The following SAMHD1 variants were observed in gnomAD, a reference collection of about 807,000 sequenced individuals.
The protein encoded by SAMHD1 is SAM and HD domain containing deoxynucleoside triphosphate triphosphohydrolase 1, also known as deoxynucleoside triphosphate triphosphohydrolase SAMHD1.
SAMHD1 carries 54 observed loss-of-function variants against 79.6 expected under a neutral mutation model. The ratio of observed to expected loss-of-function variants is 0.68; its 90% confidence interval spans 0.55 to 0.85. The LOEUF (loss-of-function observed/expected upper bound fraction) is 0.85. Among genes scored for constraint, SAMHD1 ranks in the 40% least tolerant of loss-of-function variants. The probability of loss-of-function intolerance (pLI) is 0.00; values close to 1 mark genes in which losing one functional copy is unlikely to be tolerated. For missense variants in SAMHD1, 663 were observed against 782.7 expected, an observed-to-expected ratio of 0.85 and a Z score of 1.82; for synonymous variants, 260 against 264.1, an observed-to-expected ratio of 0.98 and a Z score of 0.15.
chr20:36,934,799 C>T (rs2063592584), intron 4 of SAMHD1: 2 of 428,786 alleles, frequency 4.7e-6, no homozygotes, highest in East Asian at 5.1e-5. Context: ...GCTAGGATTA[C>T]AGGTGCGCAC....
At chr20:36,910,155 AGAGCTT>A (rs2063428966) in intron 11 of SAMHD1, among the ~76,000 whole-genome samples, 2 of 150,244 alleles carry the variant, frequency 1.3e-5, no homozygotes, top group Non-Finnish European at 3.0e-5. Flanking sequence ...CCCGGGAGGC[AGAGCTT>A]GTAGTGAGCC....
chr20:36,919,655 A>G (rs1314507962), intron 6 of SAMHD1, 136 bp from the exon 7 acceptor site: 10 of 800,030 alleles, frequency 1.2e-5, no homozygotes, highest in Non-Finnish European at 2.0e-5. Flanking sequence ...TTCTAACCAC[A>G]ATCTTAGGAA....
intron 15 of SAMHD1, chr20:36,893,748 A>G (rs1490264085): frequency 2.5e-6 from 1 of 396,268 alleles, no homozygotes; most frequent in Non-Finnish European, 4.4e-6. Flanking sequence ...CTGTTGTACC[A>G]GGAATACAAT....
chr20:36,911,119 A>C, intron 11 of SAMHD1, 99 bp downstream of exon 11: 1 of 702,100 alleles, frequency 1.4e-6, no homozygotes, highest in Non-Finnish European at 2.4e-6. Flanking sequence ...TTATCTTTAA[A>C]AATGAAAAAT....
chr20:36,921,067 G>C lies in SAMHD1; in HGVS notation c.697-1548C>G, dbSNP rs1034175014. On this transcript the variant is annotated intron_variant, in intron 6 of 15. Transcript: ENST00000646673. ...TGCCTGTACTCCAGCCTGGGCAACA[G>C]AGCAAGACCTTGTCTCCAAAAAACA... 9.9e-5 allele frequency among the ~76,000 whole-genome samples: 15 copies of C among 151,946 alleles called. 1 individual carries two copies. The highest frequency in any genetic ancestry group is 3.6e-4 in the African/African-American group (15 of 41,390).
intron 14 of SAMHD1, 111 bp from the exon 15 acceptor site, chr20:36,898,070 C>A: frequency 7.3e-7 from 1 of 1,370,880 alleles, no homozygotes; most frequent in South Asian, 1.2e-5. Flanking sequence ...ATCTCCCTGT[C>A]ACCCAGGCTG....
chr20:36,931,278 G>A (rs2063566483), intron 4 of SAMHD1, among the ~76,000 whole-genome samples: 1 of 152,144 alleles, frequency 6.6e-6, no homozygotes, highest in Non-Finnish European at 1.5e-5. Context: ...AATTAAAAAC[G>A]GAATTACCAC....
At chr20:36,930,102 A>G (rs1012914378) in intron 5 of SAMHD1, among the ~76,000 whole-genome samples, 8 of 140,294 alleles carry the variant, frequency 5.7e-5, no homozygotes, top group Non-Finnish European at 1.1e-4. Context: ...AAAAAAAAAA[A>G]TAAGCATAAG....
chr20:36,921,401 A>AAC, intron 6 of SAMHD1, among the ~76,000 whole-genome samples: 1 of 151,090 alleles, frequency 6.6e-6, no homozygotes, highest in Non-Finnish European at 1.5e-5. Flanking sequence ...TCAAAAAAAA[A>AAC]AAAAAAAAAA....
chr20:36,916,906 T>A (rs1259992751), intron 8 of SAMHD1, 43 bp downstream of exon 8: 14 of 1,571,630 alleles, frequency 8.9e-6, no homozygotes, highest in Non-Finnish European at 1.2e-5. Context: ...ACTAAATTTA[T>A]ATAAATATTT....
At chr20:36,946,536 G>A (rs1292441741) in intron 2 of SAMHD1, 10 of 517,592 alleles carry the variant, frequency 1.9e-5, no homozygotes, top group Non-Finnish European at 3.5e-5. Flanking sequence ...GCAGTGAGCC[G>A]AGATACTCCA....
At chr20:36,908,507 G>A (rs1449897752) in intron 11 of SAMHD1, among the ~76,000 whole-genome samples, 1 of 152,092 alleles carries the variant, frequency 6.6e-6, no homozygotes, top group East Asian at 1.9e-4. Context: ...CAGAGTGCTG[G>A]GATTATAGGC....
chr20:36,938,632 C>T (rs1002572074), intron 3 of SAMHD1, among the ~76,000 whole-genome samples: 2 of 151,902 alleles, frequency 1.3e-5, no homozygotes, highest in South Asian at 2.1e-4. Context: ...GTCAGGAGAT[C>T]GAGACCATCC....
chr20:36,903,383 G>C (rs552725811), intron 13 of SAMHD1, among the ~76,000 whole-genome samples: 1 of 151,168 alleles, frequency 6.6e-6, no homozygotes, highest in Admixed American at 6.6e-5. Context: ...GGGACTACAG[G>C]CACACACCAC....
intron 4 of SAMHD1, chr20:36,931,150 G>A (rs999130815): frequency 2.3e-6 from 1 of 433,850 alleles, no homozygotes; most frequent in Non-Finnish European, 4.3e-6. Context: ...ATTAAAAAAA[G>A]AAAACCAGAA....
chr20:36,941,546 T>C (rs773330616), intron 2 of SAMHD1, among the ~76,000 whole-genome samples: 3 of 152,182 alleles, frequency 2.0e-5, no homozygotes, highest in Non-Finnish European at 2.9e-5. Flanking sequence ...TCATTTTCCA[T>C]TGTCAGTACT....
At chr20:36,905,529 A>C (rs1157857806) in intron 11 of SAMHD1, 26 bp from the exon 12 acceptor site, 1 of 1,561,610 alleles carries the variant, frequency 6.4e-7, no homozygotes. Flanking sequence ...CATTTCAGTT[A>C]TATTAAAATA....
intron 13 of SAMHD1, among the ~76,000 whole-genome samples, chr20:36,899,996 A>G (rs1052984190): frequency 1.3e-5 from 2 of 151,120 alleles, no homozygotes; most frequent in Admixed American, 1.3e-4. Context: ...CAGGAGGCTG[A>G]GGCAGGAGAA....
At chr20:36,916,888 A>T in intron 8 of SAMHD1, 58 bp from the exon 9 acceptor site, 2 of 1,572,424 alleles carry the variant, frequency 1.3e-6, no homozygotes, top group Non-Finnish European at 1.8e-6. Context: ...TGTACCTTAA[A>T]TAGTAATACT....
Sources: allele counts gnomAD v4.1 joint callset (sites outside exome capture counted in the v4.1 genomes callset), GRCh38; gene constraint gnomAD v4.1.1; transcripts MANE v1.5; gene names NCBI Gene and HGNC (gene_info 2026-07-23, HGNC 2026-07-21).